Variants in PSG9 observed in about 807,000 individuals in gnomAD.
PSG9 encodes pregnancy-specific beta-1-glycoprotein 9.
A neutral mutation model predicts 41.9 loss-of-function variants in PSG9; 49 were observed. The observed-to-expected ratio is 1.17, with a 90% CI of 0.93 to 1.48. PSG9 has a LOEUF of 1.48. Among genes scored for constraint, PSG9 ranks in the 40% most tolerant of loss-of-function variants. The probability of loss-of-function intolerance (pLI) is 0.00; values close to 1 mark genes in which losing one functional copy is unlikely to be tolerated. For synonymous variants in PSG9, 263 were observed against 196.8 expected (o/e 1.34, Z -2.82); for missense variants, 641 against 520.3 (o/e 1.23, Z -2.26).
rs35986995 is a variant in PSG9, at chr19:43,255,105, CAAAA to C, written c.1244-1463_1244-1460del. Among the ~76,000 whole-genome samples, 44 of 82,238 alleles carry C rather than the reference CAAAA, an allele frequency of 5.4e-4. 2 individuals carry two copies. Among genetic ancestry groups the C allele is most frequent in the African/African-American group, 9.2e-4 (18 of 19,586 alleles). The allele number at this position is 82,238 out of a possible 152,430, so 54.0% of individuals were successfully genotyped here. On this transcript the variant is annotated intron_variant, in intron 5 of 5. Coordinates refer to ENST00000270077, the MANE Select transcript of PSG9 (RefSeq NM_002784.5). Reference sequence around the variant, plus strand: ...AGTGAGAGCCTGTCTCTCTCTCTTCCAAAAAAAAAAAAAAAGAAAGAAAGAAAGA... The same window carrying C: ...AGTGAGAGCCTGTCTCTCTCTCTTCCAAAAAAAAAAAGAAAGAAAGAAAGA...
At chr19:43,258,483 G>C (rs372086086) in intron 4 of PSG9, 27 bp from the exon 5 acceptor site, 3 of 1,536,526 alleles carry the variant, frequency 2.0e-6, no homozygotes, top group Non-Finnish European at 1.7e-6. Flanking sequence ...AAAGCCACAC[G>C]TGATGTCATT....
At chr19:43,261,831 T>G in intron 3 of PSG9, 29 bp downstream of exon 3, 1 of 1,614,064 alleles carries the variant, frequency 6.2e-7, no homozygotes, top group Non-Finnish European at 8.5e-7. Flanking sequence ...GATGGCAGCC[T>G]GGCTCACAGA....
Position 43,254,161 on chromosome 19 carries a change from C to T in PSG9, c.1244-515G>A, listed in dbSNP as rs972723083. On this transcript the variant is annotated intron_variant, in intron 5 of 5. Coordinates refer to ENST00000270077, the MANE Select transcript of PSG9 (RefSeq NM_002784.5). Reference sequence around the variant, plus strand: ...GAGGTGCACTTCCTATGTGCCAGGCCCTGTGCTCAATACTTTACCTGTATC... The same window carrying T: ...GAGGTGCACTTCCTATGTGCCAGGCTCTGTGCTCAATACTTTACCTGTATC... Among the ~76,000 whole-genome samples, 16 of 145,596 alleles carry T rather than the reference C, an allele frequency of 1.1e-4. 3 individuals are homozygous for T. The highest frequency in any genetic ancestry group is 4.2e-4 in the African/African-American group (16 of 38,068).
At position 43,259,104 on chromosome 19, in the gene PSG9, G is replaced by A. The variant is rs779739907; in HGVS notation, c.741C>T (p.Asn247=). 1.9e-6 allele frequency: 3 copies of A among 1,590,704 alleles called. No individual in the cohort carries two copies. The highest frequency in any genetic ancestry group is 2.2e-5 in the South Asian group (2 of 89,866). Residue 247 remains asparagine (N), a synonymous_variant, in exon 4 of 6, where the codon AAC becomes AAT. Transcript: ENST00000270077. ...PKLPIPYITI[N]NLNPRENKDV... is the part of the protein sequence containing the mutation. ...CCTTATTCTCCCTGGGGTTTAAGTT[G>A]TTGATGGTGATGTAGGGGATGGGCA...
intron 5 of PSG9, among the ~76,000 whole-genome samples, chr19:43,256,298 G>A (rs1968442839): frequency 6.8e-6 from 1 of 146,862 alleles, no homozygotes; most frequent in African/African-American, 2.6e-5. Context: ...TGATTTCTTG[G>A]TTGTAACAAC....
At chr19:43,253,737 G>A (rs1233510608) in intron 5 of PSG9, 91 bp from the exon 6 acceptor site, 2 of 772,350 alleles carry the variant, frequency 2.6e-6, no homozygotes, top group Non-Finnish European at 4.1e-6. Context: ...CAGGAAGGGT[G>A]TGAAAGCAAG....
rs750006796 is a variant in PSG9 at position 43,268,026 on chromosome 19, G to C, written c.188C>G (p.Pro63Arg). 16 of 1,613,752 alleles carry C rather than the reference G, an allele frequency of 9.9e-6. No individual in the cohort carries two copies. Among genetic ancestry groups the C allele is most frequent in the Non-Finnish European group, 1.4e-5 (16 of 1,179,930 alleles). The change falls in exon 2 of 6, where the codon CCT becomes CGT. Residue 63 changes from proline (P) to arginine (R), a missense_variant. Physicochemically the swap from Pro to Arg is moderately radical, Grantham distance 103. Transcript: ENST00000270077. Reference sequence around the variant, plus strand: ...TTCCCCTTTGTACCAGAAGTAGCCAGGAAGATTCTGGGGCAAATTGTGGAC... The same window carrying C: ...TTCCCCTTTGTACCAGAAGTAGCCACGAAGATTCTGGGGCAAATTGTGGAC... ...LLVHNLPQNL[P>R]GYFWYKGEMT...
rs369307955 is a variant in PSG9, at chr19:43,265,893, A to T, written c.430+1891T>A. 2.5e-3 allele frequency among the ~76,000 whole-genome samples: 380 copies of T among 152,284 alleles called. 4 individuals carry two copies. Among genetic ancestry groups the T allele is most frequent in the Non-Finnish European group, 4.4e-3 (299 of 67,998 alleles). The stretch of plus-strand genomic sequence containing the variant: ...GGGGACATTGGCTGGAGATGAAGCC[A>T]GGCAGGAGTGGCAACTCCAGGTGAT... On this transcript the variant is annotated intron_variant, in intron 2 of 5. Transcript: ENST00000270077.
chr19:43,259,455 C>T (rs1165313014), intron 3 of PSG9: 12 of 370,800 alleles, frequency 3.2e-5, no homozygotes, highest in Non-Finnish European at 5.4e-5. Flanking sequence ...GACTGGCTGG[C>T]TCACCTTGGG....
intron 2 of PSG9, among the ~76,000 whole-genome samples, chr19:43,265,152 T>C (rs1057365431): frequency 6.6e-6 from 1 of 152,138 alleles, no homozygotes; most frequent in East Asian, 1.9e-4. Flanking sequence ...AGAATGATAA[T>C]AGTTCCTCCA....
rs377712956 is a variant in PSG9 at position 43,258,942 on chromosome 19, C to T, written c.903G>A (p.Thr301=). The T allele has an allele frequency of 1.4e-5, 22 of 1,589,904 alleles. 2 individuals are homozygous for T. The African/African-American group carries it at 2.0e-4, about 14-fold the overall frequency. Residue 301 remains threonine (T), a synonymous_variant, in exon 4 of 6, where the codon ACG becomes ACA. Transcript: ENST00000270077. ...ATTGATAGGGTCCTGTTTCATTTCT[C>T]GTGACACTGGGTAGAATGAGTATCC... is the stretch of plus-strand genomic sequence containing the variant. ...ENRILILPSV[T]RNETGPYQCE... is the part of the protein sequence containing the mutation.
chr19:43,266,414 A>C (rs6509074), intron 2 of PSG9, among the ~76,000 whole-genome samples: 3 of 151,562 alleles, frequency 2.0e-5, no homozygotes, highest in Non-Finnish European at 2.9e-5. Context: ...TTCTTCATTC[A>C]TTATGTGAGA....
At chr19:43,256,539 G>C (rs1311581358) in intron 5 of PSG9, among the ~76,000 whole-genome samples, 2 of 146,514 alleles carry the variant, frequency 1.4e-5, no homozygotes, top group South Asian at 2.2e-4. Context: ...GATTAAAATA[G>C]AGTTTTATCC....
In PSG9 at chr19:43,253,624, T is replaced by G; in HGVS notation, c.1266A>C (p.Thr422=). ...GTTGTTGCAGTCATGACTGAGACTC[T>G]GTCAGGTCTCCATGGCAGGGACCTG... ...KVSGPCHGDL[T]ESQS The change falls in exon 6 of 6, where the codon ACA becomes ACC. Residue 422 remains threonine, a synonymous_variant. Coordinates refer to ENST00000270077, the MANE Select transcript of PSG9 (RefSeq NM_002784.5). 1 of 962,576 alleles carries G rather than the reference T, an allele frequency of 1.0e-6. No individual in the cohort carries two copies. The highest frequency in any genetic ancestry group is 2.1e-4 in the Middle Eastern group (1 of 4,748). 59.6% of individuals were successfully genotyped at this position (962,576 alleles called of 1,614,324 possible).
rs1968944978 is a variant in PSG9, at chr19:43,265,937, TC to T, written c.430+1846del. ...AGGTGATTTCTGTGCCTTTCCTATT[TC>T]CTGGGAGGTGGGCCAGGCCACAGTG... On this transcript the variant is annotated intron_variant, in intron 2 of 5. Coordinates refer to ENST00000270077, the MANE Select transcript of PSG9 (RefSeq NM_002784.5). Among the ~76,000 whole-genome samples the T allele has an allele frequency of 1.3e-5, 2 of 152,070 alleles. 1 individual carries two copies. Among genetic ancestry groups the T allele is most frequent in the East Asian group, 3.9e-4 (2 of 5,184 alleles).
At chr19:43,265,513 C>A (rs569886267) in intron 2 of PSG9, among the ~76,000 whole-genome samples, 1 of 152,002 alleles carries the variant, frequency 6.6e-6, no homozygotes, top group South Asian at 2.1e-4. Context: ...TCCCTCCGGC[C>A]GCATGATTCC....
chr19:43,257,964 T>A lies in PSG9; in HGVS notation c.1243+238A>T, dbSNP rs760857426. ...TCTTCTACCACATAGGGCTCAGGGCTGATAAAGCCCCCTCCCTACCTTTTT... is the reference window on the plus strand; with the variant it reads ...TCTTCTACCACATAGGGCTCAGGGCAGATAAAGCCCCCTCCCTACCTTTTT... On this transcript the variant is annotated intron_variant, in intron 5 of 5. Coordinates refer to ENST00000270077, the MANE Select transcript of PSG9 (RefSeq NM_002784.5). The A allele has an allele frequency of 2.9e-5, 42 of 1,453,878 alleles. 8 individuals carry two copies. The East Asian group carries it at 1.2e-3, about 40-fold the overall frequency. 90.1% of individuals were successfully genotyped at this position (1,453,878 alleles called of 1,614,324 possible). A position where few individuals can be genotyped will look rare whatever the true frequency, so the allele number is the denominator to read the frequency against.
chr19:43,265,706 T>G (rs1968933788), intron 2 of PSG9, among the ~76,000 whole-genome samples: 1 of 151,128 alleles, frequency 6.6e-6, no homozygotes, highest in East Asian at 1.9e-4. Flanking sequence ...TTTCAATAAT[T>G]TTTTTTGTGT....
At chr19:43,269,279 T>G (rs1969134690) in intron 1 of PSG9, 89 bp downstream of exon 1, 42 of 1,600,414 alleles carry the variant, frequency 2.6e-5, no homozygotes, top group Non-Finnish European at 3.5e-5. Flanking sequence ...GCTGGCTTCT[T>G]TTATTTTACA....
Sources: allele counts gnomAD v4.1 joint callset (sites outside exome capture counted in the v4.1 genomes callset), GRCh38; gene constraint gnomAD v4.1.1; transcripts MANE v1.5; gene names NCBI Gene and HGNC (gene_info 2026-07-23, HGNC 2026-07-21).